Variants in FHOD3 observed in about 807,000 individuals in gnomAD.
The protein encoded by FHOD3 is formin homology 2 domain containing 3.
A neutral mutation model predicts 173.0 loss-of-function variants in FHOD3; 90 were observed. That is an observed-to-expected ratio of 0.52 (90% CI 0.44 to 0.62). FHOD3 has a LOEUF of 0.62. FHOD3 is among the 20% of genes least tolerant of loss of function. The pLI is 0.00. For missense variants in FHOD3, 1,945 were observed against 2,034.7 expected (o/e 0.96, Z 0.85); for synonymous variants, 828 against 823.0 (o/e 1.01, Z -0.10).
intron 14 of FHOD3, among the ~76,000 whole-genome samples, chr18:36,678,036 CTT>C (rs1416715371): frequency 1.3e-5 from 2 of 152,064 alleles, no homozygotes; most frequent in Non-Finnish European, 2.9e-5. Flanking sequence ...TTGCTAGACT[CTT>C]AATAAAATAA....
At chr18:36,550,662 T>C (rs1257878727) in intron 5 of FHOD3, among the ~76,000 whole-genome samples, 1 of 152,176 alleles carries the variant, frequency 6.6e-6, no homozygotes, top group Admixed American at 6.5e-5. Context: ...ATATCTTTCA[T>C]GTAATTCATC....
At chr18:36,632,145 A>G (rs1041123350) in intron 10 of FHOD3, among the ~76,000 whole-genome samples, 2 of 152,216 alleles carry the variant, frequency 1.3e-5, no homozygotes, top group Non-Finnish European at 1.5e-5. Flanking sequence ...TGATATTGCC[A>G]TATTGCTCTC....
chr18:36,610,917 G>A (rs2032609766), intron 8 of FHOD3, among the ~76,000 whole-genome samples: 1 of 152,186 alleles, frequency 6.6e-6, no homozygotes, highest in Admixed American at 6.5e-5. Context: ...GCTTCCTGTT[G>A]CCTCAGGCGT....
chr18:36,742,936 C>T, intron 22 of FHOD3, 80 bp downstream of exon 22: 1 of 1,521,524 alleles, frequency 6.6e-7, no homozygotes, highest in South Asian at 1.3e-5. Context: ...GAAGGTTGTA[C>T]CTCAGGTTCC....
At chr18:36,503,141 A>G (rs985184159) in intron 4 of FHOD3, among the ~76,000 whole-genome samples, 1 of 152,150 alleles carries the variant, frequency 6.6e-6, no homozygotes, top group African/African-American at 2.4e-5. Context: ...AAAGTCACCA[A>G]CATAATGAAG....
At chr18:36,611,396 C>T (rs1006584144) in intron 8 of FHOD3, among the ~76,000 whole-genome samples, 2 of 152,080 alleles carry the variant, frequency 1.3e-5, no homozygotes, top group Non-Finnish European at 2.9e-5. Flanking sequence ...GCCGAGGTGT[C>T]GCCCAGGACT....
At chr18:36,427,055 A>G (rs1263981218) in intron 3 of FHOD3, among the ~76,000 whole-genome samples, 2 of 152,192 alleles carry the variant, frequency 1.3e-5, no homozygotes, top group African/African-American at 4.8e-5. Flanking sequence ...TAAGAAAAAT[A>G]TAAGAGAAGA....
At chr18:36,462,225 G>T (rs1382810746) in intron 3 of FHOD3, among the ~76,000 whole-genome samples, 1 of 152,076 alleles carries the variant, frequency 6.6e-6, no homozygotes, top group Non-Finnish European at 1.5e-5. Flanking sequence ...CATCCTTGTG[G>T]CTTTGGTGAA....
intron 14 of FHOD3, among the ~76,000 whole-genome samples, chr18:36,664,024 G>A (rs923018131): frequency 6.6e-6 from 1 of 151,954 alleles, no homozygotes; most frequent in Middle Eastern, 3.2e-3. Context: ...TGTGATCTGG[G>A]TGTTTTGCTG....
intron 5 of FHOD3, among the ~76,000 whole-genome samples, chr18:36,537,919 C>G (rs2057061990): frequency 6.6e-6 from 1 of 152,020 alleles, no homozygotes; most frequent in Non-Finnish European, 1.5e-5. Flanking sequence ...GAATATATAC[C>G]AAGATAGACC....
At position 36,355,591 on chromosome 18, in the gene FHOD3, AGGCCACCCT is replaced by A. The variant is rs1345094211; in HGVS notation, c.222_230del (p.Thr75_Ala77del). On this transcript the variant is annotated inframe_deletion, in exon 2 of 29. Transcript: ENST00000590592. ...CACAATGGCGCCTACCTGGATTTGG[AGGCCACCCT>A]GGCAGAGCAGCGGGATGAGTTGGAA... 1.2e-6 allele frequency: 2 copies of A among 1,613,998 alleles called. No homozygotes were observed. The highest frequency in any genetic ancestry group is 1.7e-6 in the Non-Finnish European group (2 of 1,180,004).
intron 14 of FHOD3, among the ~76,000 whole-genome samples, chr18:36,672,304 C>T (rs1455490313): frequency 6.6e-6 from 1 of 152,180 alleles, no homozygotes; most frequent in Non-Finnish European, 1.5e-5. Flanking sequence ...TGGTTTAAAA[C>T]AACAACCATG....
chr18:36,582,837 C>T (rs112098916), intron 6 of FHOD3, among the ~76,000 whole-genome samples: 7 of 152,264 alleles, frequency 4.6e-5, no homozygotes, highest in African/African-American at 9.6e-5. Context: ...CCGTTTGAAC[C>T]GGTAATCCAC....
chr18:36,644,153 A>T (rs369527083), intron 10 of FHOD3, among the ~76,000 whole-genome samples: 10 of 152,288 alleles, frequency 6.6e-5, no homozygotes, highest in African/African-American at 1.7e-4. Flanking sequence ...TACCTAATGG[A>T]TTTGGAACAG....
chr18:36,556,736 G>A (rs745454464), intron 5 of FHOD3, among the ~76,000 whole-genome samples: 1 of 152,114 alleles, frequency 6.6e-6, no homozygotes, highest in Admixed American at 6.5e-5. Flanking sequence ...GAAAAAACGT[G>A]TATTTACCCT....
At chr18:36,530,122 A>G (rs777817287) in intron 5 of FHOD3, among the ~76,000 whole-genome samples, 2 of 152,216 alleles carry the variant, frequency 1.3e-5, no homozygotes, top group Non-Finnish European at 2.9e-5. Context: ...GACTTCCCTT[A>G]TCAGTCGTGT....
chr18:36,476,854 T>C (rs1216968784), intron 3 of FHOD3, among the ~76,000 whole-genome samples: 1 of 152,176 alleles, frequency 6.6e-6, no homozygotes, highest in Non-Finnish European at 1.5e-5. Context: ...TTTGAGCACT[T>C]TCTTTACCAA....
chr18:36,650,643 G>T (rs1248370107), intron 11 of FHOD3, among the ~76,000 whole-genome samples: 2 of 152,150 alleles, frequency 1.3e-5, no homozygotes, highest in African/African-American at 2.4e-5. Flanking sequence ...TGAGCTGTAG[G>T]AAATTCTGTA....
intron 6 of FHOD3, among the ~76,000 whole-genome samples, chr18:36,591,685 A>T (rs939892042): frequency 6.6e-6 from 1 of 152,114 alleles, no homozygotes; most frequent in African/African-American, 2.4e-5. Context: ...TGGGAGGCCG[A>T]GGTGAGAGGT....
Sources: allele counts gnomAD v4.1 joint callset (sites outside exome capture counted in the v4.1 genomes callset), GRCh38; gene constraint gnomAD v4.1.1; transcripts MANE v1.5; gene names NCBI Gene and HGNC (gene_info 2026-07-23, HGNC 2026-07-21).